Variants in KCNH8 observed in about 807,000 individuals in gnomAD.
KCNH8 encodes the protein potassium voltage-gated channel subfamily H member 8.
KCNH8 carries 70 observed loss-of-function variants against 103.6 expected under a neutral mutation model. The ratio of observed to expected loss-of-function variants is 0.68; its 90% CI spans 0.56 to 0.82. The LOEUF (loss-of-function observed/expected upper bound fraction) is 0.82, where lower values mean the gene tolerates loss of function less well. KCNH8 is among the 40% of genes least tolerant of loss of function. The pLI is 0.00. For missense variants in KCNH8, 1,217 were observed against 1,329.9 expected (o/e 0.92, Z 1.32); for synonymous variants, 498 against 489.4 (o/e 1.02, Z -0.23).
intron 11 of KCNH8, among the ~76,000 whole-genome samples, chr3:19,479,535 C>T (rs193228043): frequency 2.0e-5 from 3 of 152,214 alleles, no homozygotes; most frequent in African/African-American, 7.2e-5. Context: ...TTTACTTAAA[C>T]ATTAGTGCTC....
intron 3 of KCNH8, among the ~76,000 whole-genome samples, chr3:19,318,930 A>C (rs2065313499): frequency 6.6e-6 from 1 of 151,758 alleles, no homozygotes; most frequent in African/African-American, 2.4e-5. Context: ...TTCCATATGC[A>C]TGTTGGCCAT....
chr3:19,203,066 G>A (rs1178949780), intron 1 of KCNH8, among the ~76,000 whole-genome samples: 10 of 152,038 alleles, frequency 6.6e-5, no homozygotes, highest in East Asian at 3.9e-4. Flanking sequence ...TTTTGAATAC[G>A]TAATAAGCTA....
chr3:19,225,887 G>A (rs536697056), intron 1 of KCNH8, among the ~76,000 whole-genome samples: 62 of 152,222 alleles, frequency 4.1e-4, no homozygotes, highest in African/African-American at 1.4e-3. Flanking sequence ...AGCTATTTTG[G>A]CTGGTGTGCT....
rs764065528 is a variant in KCNH8 at position 19,534,076 on chromosome 3, G to T, written c.3301G>T (p.Asp1101Tyr). 1 of 1,613,742 alleles carries T rather than the reference G, an allele frequency of 6.2e-7. No homozygotes were observed. Among genetic ancestry groups the T allele is most frequent in the Non-Finnish European group, 8.5e-7 (1 of 1,179,754 alleles). The change falls in exon 16 of 16, where the codon GAT becomes TAT. Residue 1101 changes from aspartate to tyrosine, a missense_variant. Asp to Tyr is a radical substitution (Grantham distance 160, BLOSUM62 -3). Coordinates refer to ENST00000328405, the MANE Select transcript of KCNH8 (RefSeq NM_144633.3). The part of the protein sequence containing the change: ...EVVTSTAEVK[D>Y]NKAINV Reference sequence around the variant, plus strand: ...TGTCACAAGCACAGCAGAAGTGAAAGATAACAAAGCCATAAATGTATGATA... The same window carrying T: ...TGTCACAAGCACAGCAGAAGTGAAATATAACAAAGCCATAAATGTATGATA...
At chr3:19,279,860 C>G (rs893963618) in intron 2 of KCNH8, among the ~76,000 whole-genome samples, 1 of 152,060 alleles carries the variant, frequency 6.6e-6, no homozygotes, top group East Asian at 1.9e-4. Context: ...AGGTCTAATA[C>G]AGTGTATGCA....
At chr3:19,441,797 G>C (rs762841177) in intron 8 of KCNH8, among the ~76,000 whole-genome samples, 13 of 152,116 alleles carry the variant, frequency 8.5e-5, no homozygotes, top group Admixed American at 3.9e-4. Context: ...CTTATAATAG[G>C]AGATGGCTCC....
chr3:19,253,298 C>CT (rs1402042465), intron 1 of KCNH8, among the ~76,000 whole-genome samples: 2 of 152,022 alleles, frequency 1.3e-5, no homozygotes, highest in Non-Finnish European at 1.5e-5. Context: ...TCTTGAGTAA[C>CT]TTTTTCAAAT....
rs778786912 is a variant in KCNH8, at chr3:19,533,598, G to A, written c.2823G>A (p.Gly941=). 5.7e-5 allele frequency: 92 copies of A among 1,614,004 alleles called. No homozygotes were observed. The highest frequency in any genetic ancestry group is 7.5e-5 in the Non-Finnish European group (88 of 1,180,026). ...CTTGCCTACACTTGCAAACAGGCGG[G>A]GCTGCTTATACCCAAGCACAACTTT... is the stretch of plus-strand genomic sequence containing the variant. ...HQPCLHLQTG[G]AAYTQAQLCS... The change falls in exon 16 of 16, where the codon GGG becomes GGA. Residue 941 remains glycine (G), a synonymous_variant. Coordinates refer to ENST00000328405, the MANE Select transcript of KCNH8 (RefSeq NM_144633.3).
At chr3:19,370,442 A>G (rs2066072697) in intron 5 of KCNH8, among the ~76,000 whole-genome samples, 1 of 152,064 alleles carries the variant, frequency 6.6e-6, no homozygotes, top group South Asian at 2.1e-4. Context: ...TCCATAGGAC[A>G]CACTGCTACT....
intron 1 of KCNH8, among the ~76,000 whole-genome samples, chr3:19,215,652 C>T (rs1301716849): frequency 1.3e-5 from 2 of 152,198 alleles, no homozygotes; most frequent in African/African-American, 4.8e-5. Context: ...ATGCTACTTA[C>T]TAGAGTATGA....
chr3:19,430,574 C>A (rs1055672270), intron 7 of KCNH8, among the ~76,000 whole-genome samples: 5 of 152,064 alleles, frequency 3.3e-5, no homozygotes, highest in African/African-American at 1.2e-4. Context: ...TTGTTTTGGG[C>A]AATATGGCCA....
chr3:19,436,555 A>G (rs1010164657), intron 7 of KCNH8, among the ~76,000 whole-genome samples: 2 of 152,138 alleles, frequency 1.3e-5, no homozygotes, highest in African/African-American at 2.4e-5. Context: ...TTTCATCATC[A>G]TTATTGCTTC....
intron 11 of KCNH8, among the ~76,000 whole-genome samples, chr3:19,499,262 C>G (rs1005176757): frequency 2.0e-5 from 3 of 152,150 alleles, no homozygotes; most frequent in Non-Finnish European, 2.9e-5. Context: ...AAGAAACGAG[C>G]AAAGCCTCCA....
chr3:19,166,906 G>C (rs1051549425), intron 1 of KCNH8, among the ~76,000 whole-genome samples: 1 of 152,222 alleles, frequency 6.6e-6, no homozygotes, highest in Non-Finnish European at 1.5e-5. Flanking sequence ...AAGGCCACTA[G>C]TGGTTAGTAT....
intron 15 of KCNH8, among the ~76,000 whole-genome samples, chr3:19,528,619 C>T (rs1448962154): frequency 2.6e-5 from 4 of 152,026 alleles, no homozygotes; most frequent in African/African-American, 9.7e-5. Context: ...AGTATATATA[C>T]TTGGAATGAA....
At chr3:19,278,960 G>A (rs914373024) in intron 2 of KCNH8, among the ~76,000 whole-genome samples, 2 of 152,120 alleles carry the variant, frequency 1.3e-5, no homozygotes, top group Admixed American at 1.3e-4. Flanking sequence ...AGACAGTAAT[G>A]ATACTTGTCT....
chr3:19,182,489 C>A (rs2063463454), intron 1 of KCNH8, among the ~76,000 whole-genome samples: 1 of 152,320 alleles, frequency 6.6e-6, no homozygotes, highest in South Asian at 2.1e-4. Flanking sequence ...CAAGATCGCG[C>A]CACTGCACTC....
At chr3:19,200,723 A>C (rs949786418) in intron 1 of KCNH8, among the ~76,000 whole-genome samples, 1 of 152,202 alleles carries the variant, frequency 6.6e-6, no homozygotes, top group African/African-American at 2.4e-5. Context: ...GCTTTGACCT[A>C]TGAATCTCCC....
In KCNH8 at chr3:19,232,392, A is replaced by T. The variant is rs193247685; in HGVS notation, c.77-21262A>T. On this transcript the variant is annotated intron_variant, in intron 1 of 15. Transcript: ENST00000328405. ...ATGTAGAAAATCTTAGCTACAAGAA[A>T]ACCAAGGATCCAATACAATAAAGGA... Among the ~76,000 whole-genome samples, 4 of 152,330 alleles carry T rather than the reference A, an allele frequency of 2.6e-5. No individual in the cohort carries two copies. In the East Asian group the frequency reaches 7.7e-4, roughly 29 times the overall value.
Sources: gnomAD v4.1 joint callset for allele counts (sites outside exome capture counted in the v4.1 genomes callset) on GRCh38, gnomAD v4.1.1 for gene constraint, MANE v1.5 for transcripts, NCBI Gene and HGNC (gene_info 2026-07-23, HGNC 2026-07-21) for gene names.